CALD1: variants seen among roughly 807,000 people sequenced by gnomAD.
The protein encoded by CALD1 is caldesmon.
CALD1 carries 33 observed loss-of-function variants against 99.9 expected under a neutral mutation model. The observed-to-expected ratio is 0.33, with a 90% CI of 0.25 to 0.44. The LOEUF is 0.44. Ranked by LOEUF, CALD1 falls within the 20% of genes least tolerant of loss-of-function variation. The probability of loss-of-function intolerance (pLI) is 1.00; values close to 1 mark genes in which losing one functional copy is unlikely to be tolerated. For synonymous variants in CALD1, 310 were observed against 325.0 expected, an observed-to-expected ratio of 0.95 and a Z score of 0.50; for missense variants, 861 against 962.1, an observed-to-expected ratio of 0.89 and a Z score of 1.39.
At chr7:134,804,599 CCTT>C (rs1221432338) in intron 1 of CALD1, among the ~76,000 whole-genome samples, 1 of 152,208 alleles carries the variant, frequency 6.6e-6, no homozygotes, top group African/African-American at 2.4e-5. Context: ...CATTATTCCT[CCTT>C]CTTTATACTC....
At chr7:134,927,794 G>A (rs1805149287) in intron 3 of CALD1, among the ~76,000 whole-genome samples, 1 of 150,654 alleles carries the variant, frequency 6.6e-6, no homozygotes, top group Non-Finnish European at 1.5e-5. Flanking sequence ...CCAATTGTCA[G>A]TAACACCTTC....
chr7:134,912,493 C>T (rs1189630770), intron 3 of CALD1, among the ~76,000 whole-genome samples: 3 of 152,204 alleles, frequency 2.0e-5, no homozygotes, highest in Admixed American at 2.0e-4. Flanking sequence ...TGAACGCAGA[C>T]CAGTGCGTCC....
intron 3 of CALD1, among the ~76,000 whole-genome samples, chr7:134,908,425 T>C (rs1176372412): frequency 6.6e-6 from 1 of 152,212 alleles, no homozygotes; most frequent in Non-Finnish European, 1.5e-5. Context: ...GATCACTAAA[T>C]ACCTGCCAGT....
intron 1 of CALD1, among the ~76,000 whole-genome samples, chr7:134,818,723 T>A (rs190023841): frequency 1.3e-5 from 2 of 152,294 alleles, no homozygotes; most frequent in African/African-American, 2.4e-5. Flanking sequence ...AATCTTGCAA[T>A]TATCACTCCA....
At chr7:134,935,062 T>C (rs960757303) in intron 5 of CALD1, among the ~76,000 whole-genome samples, 14 of 152,262 alleles carry the variant, frequency 9.2e-5, no homozygotes, top group African/African-American at 3.1e-4. Flanking sequence ...TTTAGGGTAG[T>C]ATTGATTTAT....
chr7:134,867,322 T>G (rs1800845974), intron 2 of CALD1, among the ~76,000 whole-genome samples: 1 of 152,202 alleles, frequency 6.6e-6, no homozygotes, highest in East Asian at 1.9e-4. Flanking sequence ...CATTCCTGTT[T>G]TCCTCCTCCT....
At chr7:134,780,610 A>C (rs768994998) in intron 1 of CALD1, among the ~76,000 whole-genome samples, 1 of 152,194 alleles carries the variant, frequency 6.6e-6, no homozygotes, top group Non-Finnish European at 1.5e-5. Flanking sequence ...TGGGTGTCTG[A>C]AACAGTAGTA....
chr7:134,766,143 T>C (rs904255443), intron 1 of CALD1, among the ~76,000 whole-genome samples: 3 of 95,212 alleles, frequency 3.2e-5, no homozygotes, highest in African/African-American at 2.6e-4. Context: ...TTTCTTTTCT[T>C]TTTTTTTTTT....
chr7:134,714,915 T>C, the CALD1 span, among the ~76,000 whole-genome samples: 1 of 152,166 alleles, frequency 6.6e-6, no homozygotes, highest in Non-Finnish European at 1.5e-5. Flanking sequence ...TTGCTGGTTC[T>C]GGGCAGTTTC....
intron 9 of CALD1, among the ~76,000 whole-genome samples, chr7:134,954,853 T>C (rs1807643985): frequency 6.6e-6 from 1 of 152,230 alleles, no homozygotes; most frequent in Admixed American, 6.5e-5. Context: ...TGCCCTTTCC[T>C]GGCTAAGCCA....
intron 13 of CALD1, among the ~76,000 whole-genome samples, chr7:134,964,854 G>C (rs1215193119): frequency 6.6e-6 from 1 of 152,140 alleles, no homozygotes; most frequent in Non-Finnish European, 1.5e-5. Context: ...CCTTAGGAAA[G>C]GGCAAGGACC....
In CALD1 at chr7:134,947,574, CA is replaced by C. The variant is rs1286419283; in HGVS notation, c.1603del (p.Arg535GlyfsTer70). The C allele has an allele frequency of 1.9e-6, 3 of 1,562,098 alleles. No homozygotes were observed. Among genetic ancestry groups the C allele is most frequent in the Admixed American group, 1.9e-5 (1 of 52,720 alleles). ...AEGAPQVEAG[K>X]RLEELRRRRG... ...AGGGCGCCCCCCAGGTGGAAGCCGG[CA>C]AAAGGCTGGAGGAGCTTCGTCGTCG... On this transcript the variant is annotated frameshift_variant, in exon 8 of 15. Transcript: ENST00000361675. LOFTEE classifies it high-confidence loss of function.
At chr7:134,881,504 A>C (rs1241213422) in intron 3 of CALD1, among the ~76,000 whole-genome samples, 1 of 144,640 alleles carries the variant, frequency 6.9e-6, no homozygotes, top group Non-Finnish European at 1.5e-5. Flanking sequence ...AAATTAAGCA[A>C]GATACAGAAA....
chr7:134,919,590 G>A (rs1804463335), intron 3 of CALD1, among the ~76,000 whole-genome samples: 1 of 152,166 alleles, frequency 6.6e-6, no homozygotes, highest in South Asian at 2.1e-4. Context: ...AGTATGGTTG[G>A]TATGCAAACT....
intron 1 of CALD1, among the ~76,000 whole-genome samples, chr7:134,810,083 GTTGA>G (rs2131914452): frequency 6.6e-6 from 1 of 152,288 alleles, no homozygotes; most frequent in South Asian, 2.1e-4. Flanking sequence ...AAGTATTTAA[GTTGA>G]TTAATATTAT....
At chr7:134,828,181 G>A (rs1799080349) in intron 1 of CALD1, among the ~76,000 whole-genome samples, 1 of 152,196 alleles carries the variant, frequency 6.6e-6, no homozygotes, top group African/African-American at 2.4e-5. Context: ...AGGTTATATG[G>A]AAATAAGCCA....
At chr7:134,932,252 A>G (rs778475886) in intron 4 of CALD1, among the ~76,000 whole-genome samples, 1 of 152,136 alleles carries the variant, frequency 6.6e-6, no homozygotes, top group Non-Finnish European at 1.5e-5. Flanking sequence ...ATTGTAAGGG[A>G]CACTTAGATG....
At chr7:134,730,292 G>GA in the CALD1 span, among the ~76,000 whole-genome samples, 1 of 141,956 alleles carries the variant, frequency 7.0e-6, no homozygotes, top group Non-Finnish European at 1.5e-5. Context: ...CAAACATCCA[G>GA]AAACATTAGA....
At chr7:134,964,049 T>C (rs917873327) in intron 13 of CALD1, among the ~76,000 whole-genome samples, 5 of 152,074 alleles carry the variant, frequency 3.3e-5, no homozygotes, top group African/African-American at 1.2e-4. Flanking sequence ...ATACAAAAAT[T>C]AGCTGAGCGT....
Sources: gnomAD v4.1 joint callset for allele counts (sites outside exome capture counted in the v4.1 genomes callset) on GRCh38, gnomAD v4.1.1 for gene constraint, MANE v1.5 for transcripts, NCBI Gene and HGNC (gene_info 2026-07-23, HGNC 2026-07-21) for gene names.